AUTS2: variants seen among roughly 807,000 people sequenced by gnomAD.
AUTS2 encodes the protein autism susceptibility gene 2 protein.
In AUTS2, 17 loss-of-function variants were observed where a neutral mutation model predicts 112.4. That is an observed-to-expected ratio of 0.15 (90% CI 0.10 to 0.23). The LOEUF (loss-of-function observed/expected upper bound fraction) is 0.23. Ranked by LOEUF, AUTS2 falls within the 10% of genes least tolerant of loss-of-function variation. The pLI, the probability that AUTS2 is intolerant of heterozygous loss-of-function variation, is 1.00. For missense variants in AUTS2, 1,510 were observed against 1,701.6 expected, an observed-to-expected ratio of 0.89 and a Z score of 1.98; for synonymous variants, 751 against 702.7, an observed-to-expected ratio of 1.07 and a Z score of -1.09.
intron 4 of AUTS2, among the ~76,000 whole-genome samples, chr7:70,329,792 T>TTTG (rs1790660913): frequency 6.6e-6 from 1 of 151,980 alleles, no homozygotes; most frequent in African/African-American, 2.4e-5. Flanking sequence ...GTTTATTCTG[T>TTTG]TGTAACAAAC....
intron 1 of AUTS2, among the ~76,000 whole-genome samples, chr7:69,668,411 G>A (rs544756885): frequency 1.3e-5 from 2 of 152,298 alleles, no homozygotes; most frequent in African/African-American, 4.8e-5. Flanking sequence ...TACACATGTA[G>A]TGTGCCACAC....
chr7:70,430,429 C>T (rs1471511203), intron 4 of AUTS2, among the ~76,000 whole-genome samples: 2 of 152,220 alleles, frequency 1.3e-5, no homozygotes, highest in Non-Finnish European at 2.9e-5. Context: ...CATGTATTAA[C>T]TCATTCTCCT....
At chr7:70,488,052 C>T (rs551718157) in intron 5 of AUTS2, among the ~76,000 whole-genome samples, 4 of 152,310 alleles carry the variant, frequency 2.6e-5, no homozygotes, top group East Asian at 1.9e-4. Flanking sequence ...AGAAACACCA[C>T]GGGCACCGCC....
At chr7:70,317,940 A>G (rs1404567545) in intron 4 of AUTS2, among the ~76,000 whole-genome samples, 4 of 152,190 alleles carry the variant, frequency 2.6e-5, no homozygotes, top group African/African-American at 9.7e-5. Flanking sequence ...ATCAATTAAC[A>G]AGAAAGGGGA....
intron 4 of AUTS2, among the ~76,000 whole-genome samples, chr7:70,163,848 A>C (rs1808241802): frequency 6.6e-6 from 1 of 152,146 alleles, no homozygotes; most frequent in Non-Finnish European, 1.5e-5. Flanking sequence ...AATGCTAAGA[A>C]AGTCATGTAC....
In AUTS2 at chr7:69,928,098, C is replaced by T. The variant is rs182823818; in HGVS notation, c.522+28600C>T. ...AAAGGAACTTTATTGAGTGACAGACCAGCTCTCAGTGGAGACCTGAAGTGA... is the reference window on the plus strand; with the variant it reads ...AAAGGAACTTTATTGAGTGACAGACTAGCTCTCAGTGGAGACCTGAAGTGA... On this transcript the variant is annotated intron_variant, in intron 2 of 18. Transcript: ENST00000342771. Among the ~76,000 whole-genome samples the T allele has an allele frequency of 2.0e-3, 309 of 152,204 alleles. 7 individuals carry two copies. The highest frequency in any genetic ancestry group is 4.7e-4 in the Non-Finnish European group (32 of 68,020).
intron 2 of AUTS2, among the ~76,000 whole-genome samples, chr7:69,956,865 T>G (rs1797232170): frequency 6.6e-6 from 1 of 151,972 alleles, no homozygotes; most frequent in Non-Finnish European, 1.5e-5. Flanking sequence ...AGTGGTTTTA[T>G]TTTTATTTTT....
intron 1 of AUTS2, among the ~76,000 whole-genome samples, chr7:69,698,854 GGTT>G (rs1797675312): frequency 6.6e-6 from 1 of 152,098 alleles, no homozygotes; most frequent in Admixed American, 6.5e-5. Context: ...GGGAGGGGAA[GGTT>G]AAAGATAAGG....
At chr7:70,528,759 C>T (rs529159297) in intron 5 of AUTS2, among the ~76,000 whole-genome samples, 4 of 150,532 alleles carry the variant, frequency 2.7e-5, no homozygotes, top group Non-Finnish European at 4.4e-5. Context: ...ATTATGCCTG[C>T]GAATAGCCAC....
chr7:70,777,518 G>A (rs1332821133), intron 14 of AUTS2, among the ~76,000 whole-genome samples: 1 of 151,850 alleles, frequency 6.6e-6, no homozygotes, highest in Non-Finnish European at 1.5e-5. Context: ...TGTTTTTGTA[G>A]AGATAGATAG....
intron 2 of AUTS2, among the ~76,000 whole-genome samples, chr7:70,052,215 T>A (rs1801786913): frequency 1.3e-5 from 2 of 152,216 alleles, no homozygotes; most frequent in African/African-American, 4.8e-5. Context: ...AATCATTGCC[T>A]ACTTTCAGTG....
intron 1 of AUTS2, among the ~76,000 whole-genome samples, chr7:69,688,959 T>C (rs182051398): frequency 1.3e-5 from 2 of 152,366 alleles, no homozygotes; most frequent in East Asian, 3.9e-4. Context: ...AGATAAAAAT[T>C]AATTACATAT....
At chr7:69,949,169 C>T (rs191067652) in intron 2 of AUTS2, among the ~76,000 whole-genome samples, 3 of 152,248 alleles carry the variant, frequency 2.0e-5, no homozygotes, top group Non-Finnish European at 2.9e-5. Context: ...ACCATTAGAA[C>T]ATCATAAACC....
At chr7:69,872,194 G>C (rs1793529062) in intron 1 of AUTS2, among the ~76,000 whole-genome samples, 1 of 152,208 alleles carries the variant, frequency 6.6e-6, no homozygotes, top group South Asian at 2.1e-4. Flanking sequence ...GACCTTAATA[G>C]ATAAGGAAGC....
At chr7:69,619,891 A>T (rs1221131529) in intron 1 of AUTS2, among the ~76,000 whole-genome samples, 1 of 152,186 alleles carries the variant, frequency 6.6e-6, no homozygotes. Context: ...ACAGAAAAAG[A>T]TGTGTAACTG....
Position 69,599,734 on chromosome 7 carries a change from G to C in AUTS2, c.81G>C (p.Arg27=). ...AGCGAGACCGGGAGAGGCGCTCCCGGGGCGGGCTGGGGGCCGGCGCGGCCG... is the reference window on the plus strand; with the variant it reads ...AGCGAGACCGGGAGAGGCGCTCCCGCGGCGGGCTGGGGGCCGGCGCGGCCG... ...RSQRDRERRS[R]GGLGAGAAGG... is the part of the protein sequence containing the mutation. The change falls in exon 1 of 19, where the codon CGG becomes CGC. Residue 27 remains arginine, a synonymous_variant. Transcript: ENST00000342771. The surrounding 1 kb of genome is among the most constrained non-coding windows in gnomAD (Gnocchi z 7.0). 7.5e-7 allele frequency: 1 copy of C among 1,325,790 alleles called. No individual in the cohort carries two copies. The allele number at this position is 1,325,790 out of a possible 1,614,324, so 82.1% of individuals were successfully genotyped here.
At chr7:70,558,869 T>C (rs918218428) in intron 5 of AUTS2, among the ~76,000 whole-genome samples, 11 of 152,252 alleles carry the variant, frequency 7.2e-5, no homozygotes, top group African/African-American at 2.7e-4. Context: ...GGTCTTTTGC[T>C]TTCCTTGCAA....
At chr7:70,226,740 G>T (rs1811785395) in intron 4 of AUTS2, among the ~76,000 whole-genome samples, 1 of 152,022 alleles carries the variant, frequency 6.6e-6, no homozygotes, top group South Asian at 2.1e-4. Flanking sequence ...CATGTTATAT[G>T]CAGTATATCA....
At chr7:69,979,419 C>T (rs1798201158) in intron 2 of AUTS2, among the ~76,000 whole-genome samples, 1 of 152,122 alleles carries the variant, frequency 6.6e-6, no homozygotes, top group Non-Finnish European at 1.5e-5. Context: ...CTCAAATAAC[C>T]CTTAAGGATG....
Sources: allele counts gnomAD v4.1 joint callset (sites outside exome capture counted in the v4.1 genomes callset), GRCh38; gene constraint gnomAD v4.1.1; non-coding constraint Gnocchi (gnomAD v3.1); transcripts MANE v1.5; gene names NCBI Gene and HGNC (gene_info 2026-07-23, HGNC 2026-07-21).